The following CNTN4 variants were observed in gnomAD, a reference collection of about 807,000 sequenced individuals.
CNTN4 encodes contactin-4.
In CNTN4, 77 loss-of-function variants were observed where a neutral mutation model predicts 122.5. That is an observed-to-expected ratio of 0.63 (90% CI 0.52 to 0.76). The LOEUF is 0.76. Among genes scored for constraint, CNTN4 ranks in the 30% least tolerant of loss-of-function variants. The probability of loss-of-function intolerance (pLI) is 0.00; values close to 1 mark genes in which losing one functional copy is unlikely to be tolerated. For synonymous variants in CNTN4, 512 were observed against 447.0 expected, an observed-to-expected ratio of 1.15 and a Z score of -1.83; for missense variants, 1,256 against 1,259.1, an observed-to-expected ratio of 1.00 and a Z score of 0.04.
At chr3:2,911,209 C>T (rs1387247303) in intron 12 of CNTN4, among the ~76,000 whole-genome samples, 1 of 151,996 alleles carries the variant, frequency 6.6e-6, no homozygotes. Context: ...GTCTTATCAA[C>T]ATGGCTTGGT....
At chr3:2,281,555 C>T (rs1383807869) in intron 2 of CNTN4, among the ~76,000 whole-genome samples, 1 of 152,050 alleles carries the variant, frequency 6.6e-6, no homozygotes, top group Non-Finnish European at 1.5e-5. Context: ...ACAGCAATTT[C>T]AGAGGCCTTC....
At chr3:2,179,268 C>T (rs572245377) in intron 2 of CNTN4, among the ~76,000 whole-genome samples, 30 of 151,930 alleles carry the variant, frequency 2.0e-4, no homozygotes, top group African/African-American at 5.5e-4. Context: ...AAAAATTATC[C>T]GTGAGAGTAT....
At chr3:2,999,143 A>G (rs990729076) in intron 14 of CNTN4, 6 of 152,170 alleles carry the variant, frequency 3.9e-5, no homozygotes, top group East Asian at 1.9e-4. Context: ...CCTTATCACA[A>G]AAAGATCATA....
intron 12 of CNTN4, among the ~76,000 whole-genome samples, chr3:2,910,621 T>C (rs1577237970): frequency 6.6e-6 from 1 of 152,194 alleles, no homozygotes; most frequent in Non-Finnish European, 1.5e-5. Flanking sequence ...CCTGTTTGAA[T>C]TGAGTCATAT....
At chr3:2,655,387 T>C (rs1433071409) in intron 4 of CNTN4, among the ~76,000 whole-genome samples, 1 of 152,190 alleles carries the variant, frequency 6.6e-6, no homozygotes, top group African/African-American at 2.4e-5. Flanking sequence ...CCTCCTTGGT[T>C]CTGTATGCCC....
intron 2 of CNTN4, among the ~76,000 whole-genome samples, chr3:2,197,353 A>T (rs886732818): frequency 2.6e-5 from 4 of 152,190 alleles, no homozygotes; most frequent in Non-Finnish European, 5.9e-5. Context: ...GCTAGCCGGA[A>T]TTAATTGATA....
At chr3:2,500,968 G>A (rs1008381705) in intron 3 of CNTN4, among the ~76,000 whole-genome samples, 1 of 151,906 alleles carries the variant, frequency 6.6e-6, no homozygotes, top group East Asian at 1.9e-4. Context: ...TGTTAAAATT[G>A]TACTCTCTGC....
At chr3:2,647,210 G>A (rs1458305495) in intron 4 of CNTN4, among the ~76,000 whole-genome samples, 3 of 151,890 alleles carry the variant, frequency 2.0e-5, no homozygotes, top group East Asian at 1.9e-4. Flanking sequence ...GTGAGACCCC[G>A]TCCCTACTAA....
chr3:2,912,024 G>GA (rs1342031070), intron 12 of CNTN4, among the ~76,000 whole-genome samples: 2 of 151,986 alleles, frequency 1.3e-5, no homozygotes, highest in Non-Finnish European at 2.9e-5. Flanking sequence ...CCTATCTGAA[G>GA]AAAAAATGGC....
intron 6 of CNTN4, among the ~76,000 whole-genome samples, chr3:2,762,260 A>C (rs1472270591): frequency 6.6e-6 from 1 of 152,200 alleles, no homozygotes; most frequent in Non-Finnish European, 1.5e-5. Flanking sequence ...GGTTTGTTAC[A>C]TAGGTAAACT....
At chr3:2,921,155 A>G (rs2094425955) in intron 12 of CNTN4, among the ~76,000 whole-genome samples, 1 of 152,170 alleles carries the variant, frequency 6.6e-6, no homozygotes, top group Non-Finnish European at 1.5e-5. Context: ...TTCTCACCTC[A>G]GCTTTCCAAG....
chr3:2,838,425 G>A (rs531724807), intron 7 of CNTN4, among the ~76,000 whole-genome samples: 19 of 151,990 alleles, frequency 1.3e-4, no homozygotes, highest in Non-Finnish European at 2.2e-4. Flanking sequence ...AATAGAAGCT[G>A]GGAAGCATTC....
chr3:2,688,335 C>T (rs1449625009), intron 4 of CNTN4, among the ~76,000 whole-genome samples: 1 of 152,154 alleles, frequency 6.6e-6, no homozygotes, highest in Non-Finnish European at 1.5e-5. Context: ...AGGCACCACC[C>T]TCCACCCAAG....
chr3:2,546,891 C>T (rs1307033969), intron 3 of CNTN4, among the ~76,000 whole-genome samples: 1 of 152,030 alleles, frequency 6.6e-6, no homozygotes, highest in African/African-American at 2.4e-5. Context: ...AGCGGATGTT[C>T]TAGCATGCAC....
intron 7 of CNTN4, among the ~76,000 whole-genome samples, chr3:2,825,479 C>T (rs1170422705): frequency 2.0e-5 from 3 of 152,110 alleles, no homozygotes; most frequent in Admixed American, 6.5e-5. Context: ...GCTTCAGCCT[C>T]CCAAAGTGCT....
At chr3:2,934,158 A>C (rs2094548440) in intron 13 of CNTN4, among the ~76,000 whole-genome samples, 1 of 152,182 alleles carries the variant, frequency 6.6e-6, no homozygotes, top group Non-Finnish European at 1.5e-5. Flanking sequence ...GCCACTGTGG[A>C]CCAGTTTTGA....
At chr3:2,297,310 C>T (rs573675033) in intron 2 of CNTN4, among the ~76,000 whole-genome samples, 3 of 152,268 alleles carry the variant, frequency 2.0e-5, no homozygotes, top group Non-Finnish European at 4.4e-5. Flanking sequence ...AAATTTTCAT[C>T]AGAAGGAAAT....
At chr3:2,926,010 C>G (rs2094470221) in intron 13 of CNTN4, among the ~76,000 whole-genome samples, 1 of 152,194 alleles carries the variant, frequency 6.6e-6, no homozygotes, top group Admixed American at 6.5e-5. Flanking sequence ...ATGATCCCCG[C>G]TGAAGACTGC....
chr3:2,830,025 GA>G (rs368015728), intron 7 of CNTN4, among the ~76,000 whole-genome samples: 2,413 of 151,880 alleles, frequency 0.016, 34 homozygotes, highest in African/African-American at 0.037. Flanking sequence ...TTATTGTTCA[GA>G]AAAAAAATAA....
Sources: gnomAD v4.1 joint callset for allele counts (sites outside exome capture counted in the v4.1 genomes callset) on GRCh38, gnomAD v4.1.1 for gene constraint, MANE v1.5 for transcripts, NCBI Gene and HGNC (gene_info 2026-07-23, HGNC 2026-07-21) for gene names.